Variants in TRIM24 observed in about 807,000 individuals in gnomAD.
The protein encoded by TRIM24 is transcription intermediary factor 1-alpha.
A neutral mutation model predicts 123.9 loss-of-function variants in TRIM24; 29 were observed. The observed-to-expected ratio is 0.23, with a 90% confidence interval of 0.17 to 0.32. TRIM24 has a LOEUF of 0.32. Among genes scored for constraint, TRIM24 ranks in the 10% least tolerant of loss-of-function variants. The pLI is 1.00. For missense variants in TRIM24, 932 were observed against 1,295.3 expected (o/e 0.72, Z 4.31); for synonymous variants, 456 against 461.1 (o/e 0.99, Z 0.14).
At chr7:138,483,597 T>A (rs907560910) in intron 1 of TRIM24, among the ~76,000 whole-genome samples, 2 of 152,214 alleles carry the variant, frequency 1.3e-5, no homozygotes, top group African/African-American at 4.8e-5. Flanking sequence ...ATTATGAGGT[T>A]GGCCCAATAC....
At chr7:138,520,428 C>T (rs775903606) in intron 4 of TRIM24, among the ~76,000 whole-genome samples, 8 of 152,154 alleles carry the variant, frequency 5.3e-5, no homozygotes, top group Non-Finnish European at 1.0e-4. Flanking sequence ...TCTAGGCCTC[C>T]AACTTATTCA....
intron 14 of TRIM24, among the ~76,000 whole-genome samples, chr7:138,578,570 A>G (rs9791720): frequency 1.7e-4 from 20 of 117,460 alleles, no homozygotes; most frequent in South Asian, 5.8e-4. Flanking sequence ...GTGTGCGCGC[A>G]CGCACGAATG....
At chr7:138,555,944 A>G (rs10243069) in intron 9 of TRIM24, among the ~76,000 whole-genome samples, 2,771 of 152,292 alleles carry the variant, frequency 0.018, 70 homozygotes, top group African/African-American at 0.061. Flanking sequence ...AGCACATTAC[A>G]CTGGCATTAA....
chr7:138,577,494 G>A lies in TRIM24; in HGVS notation c.2162G>A (p.Arg721Gln), dbSNP rs1256754225. 2 of 1,610,538 alleles carry A rather than the reference G, an allele frequency of 1.2e-6. No individual in the cohort carries two copies. The highest frequency in any genetic ancestry group is 1.7e-6 in the Non-Finnish European group (2 of 1,178,610). ...KVPVVMLEPI[R>Q]IKQENSGPPE... ...CCAGTGGTCATGCTGGAGCCAATTC[G>A]AATAAAACAAGAAAACAGTGGACCA... The change falls in exon 14 of 19, where the codon CGA becomes CAA. Residue 721 changes from arginine to glutamine, a missense_variant. Coordinates refer to ENST00000343526, the MANE Select transcript of TRIM24 (RefSeq NM_015905.3).
chr7:138,575,459 ATTT>A (rs34375724), intron 12 of TRIM24, among the ~76,000 whole-genome samples: 4 of 127,208 alleles, frequency 3.1e-5, no homozygotes, highest in Non-Finnish European at 3.3e-5. Flanking sequence ...GGCCTGGCTA[ATTT>A]TTTTTTTTTT....
At chr7:138,481,806 C>G (rs933843073) in intron 1 of TRIM24, among the ~76,000 whole-genome samples, 1 of 151,754 alleles carries the variant, frequency 6.6e-6, no homozygotes, top group African/African-American at 2.4e-5. Flanking sequence ...GAGCAAGACC[C>G]TGTCTCCAAA....
At chr7:138,488,254 GTAGTGTTC>G (rs1286086497) in intron 1 of TRIM24, among the ~76,000 whole-genome samples, 1 of 150,056 alleles carries the variant, frequency 6.7e-6, no homozygotes, top group African/African-American at 2.4e-5. Context: ...ATTAGTCTTG[GTAGTGTTC>G]TATCTATTTT....
chr7:138,542,983 T>G (rs1797033286), intron 7 of TRIM24, among the ~76,000 whole-genome samples: 1 of 152,188 alleles, frequency 6.6e-6, no homozygotes, highest in Non-Finnish European at 1.5e-5. Context: ...TACATTTTTT[T>G]GAAAGTCAAA....
intron 2 of TRIM24, among the ~76,000 whole-genome samples, chr7:138,513,068 A>T (rs531088022): frequency 1.3e-5 from 2 of 152,194 alleles, no homozygotes; most frequent in Non-Finnish European, 2.9e-5. Context: ...CCCTAAAGCC[A>T]GGGGCACAGT....
intron 2 of TRIM24, among the ~76,000 whole-genome samples, chr7:138,512,627 C>T (rs990451377): frequency 2.0e-5 from 3 of 152,118 alleles, no homozygotes; most frequent in East Asian, 1.9e-4. Context: ...CTCTTTGAGC[C>T]ATGGCTGGAA....
intron 3 of TRIM24, 38 bp from the exon 4 acceptor site, chr7:138,519,151 G>T (rs767814583): frequency 6.2e-7 from 1 of 1,612,932 alleles, no homozygotes; most frequent in Non-Finnish European, 8.5e-7. Context: ...ATTCAATTAT[G>T]TTAATTTTCT....
Position 138,460,864 on chromosome 7 carries a change from C to A in TRIM24, c.316C>A (p.Pro106Thr), listed in dbSNP as rs773770880. The A allele has an allele frequency of 2.6e-6, 4 of 1,549,280 alleles. No homozygotes were observed. The highest frequency in any genetic ancestry group is 3.5e-6 in the Non-Finnish European group (4 of 1,157,040). ...LGSAETPPPVPAPGSPVSGSS... is the reference protein window; with the variant it reads ...LGSAETPPPVTAPGSPVSGSS... ...CTCGGCCGAGACCCCGCCACCCGTC[C>A]CTGCCCCCGGCTCGCCGGTCAGCGG... Residue 106 changes from proline (P) to threonine (T), a missense_variant, in exon 1 of 19, where the codon CCT (proline) becomes ACT (threonine). Around this residue, in one of 7 missense-constraint regions of TRIM24, gnomAD observed 164 missense variants for 181.9 expected, o/e 0.90. Coordinates refer to ENST00000343526, the MANE Select transcript of TRIM24 (RefSeq NM_015905.3).
intron 13 of TRIM24, among the ~76,000 whole-genome samples, chr7:138,577,038 T>C (rs1453638394): frequency 6.6e-6 from 1 of 152,196 alleles, no homozygotes; most frequent in Non-Finnish European, 1.5e-5. Context: ...ATTGTGTAAA[T>C]ACATGATTAT....
chr7:138,475,922 T>C (rs1392501963), intron 1 of TRIM24, among the ~76,000 whole-genome samples: 1 of 152,178 alleles, frequency 6.6e-6, no homozygotes, highest in Non-Finnish European at 1.5e-5. Context: ...ATTATAGTTA[T>C]TTTGCGCAAG....
At chr7:138,584,644 C>A (rs1797975036) in intron 18 of TRIM24, 98 bp from the exon 19 acceptor site, 2 of 909,526 alleles carry the variant, frequency 2.2e-6, no homozygotes, top group Non-Finnish European at 3.3e-6. Context: ...ATTTCAATGA[C>A]TATGCATGAA....
chr7:138,560,238 T>A (rs1797398524), intron 9 of TRIM24, among the ~76,000 whole-genome samples: 1 of 152,220 alleles, frequency 6.6e-6, no homozygotes, highest in Non-Finnish European at 1.5e-5. Context: ...TATGTGTAAC[T>A]TCCATTTTAT....
chr7:138,516,069 G>T (rs566995356), intron 3 of TRIM24, among the ~76,000 whole-genome samples: 4 of 152,184 alleles, frequency 2.6e-5, no homozygotes, highest in Non-Finnish European at 5.9e-5. Flanking sequence ...GGAGGCAGAG[G>T]CAGGTGGATC....
intron 4 of TRIM24, among the ~76,000 whole-genome samples, chr7:138,520,418 T>C (rs987301250): frequency 6.6e-6 from 1 of 152,278 alleles, no homozygotes; most frequent in African/African-American, 2.4e-5. Flanking sequence ...AAAGAAAACA[T>C]CTAGGCCTCC....
At chr7:138,495,806 G>T (rs1795893188) in intron 1 of TRIM24, among the ~76,000 whole-genome samples, 1 of 152,020 alleles carries the variant, frequency 6.6e-6, no homozygotes. Flanking sequence ...CATTGAACTT[G>T]GGAAACTTGT....
Sources: allele counts gnomAD v4.1 joint callset (sites outside exome capture counted in the v4.1 genomes callset), GRCh38; gene constraint gnomAD v4.1.1; regional missense constraint gnomAD v4.1.1; transcripts MANE v1.5; gene names NCBI Gene and HGNC (gene_info 2026-07-23, HGNC 2026-07-21).